C1QL3: variants seen among roughly 807,000 people sequenced by gnomAD.
C1QL3 encodes complement C1q like 3.
A neutral mutation model predicts 16.6 loss-of-function variants in C1QL3; 4 were observed. The observed-to-expected ratio is 0.24, with a 90% CI of 0.12 to 0.55. The LOEUF is 0.55. Ranked by LOEUF, C1QL3 falls within the 20% of genes least tolerant of loss-of-function variation. The pLI is 0.94. For missense variants in C1QL3, 269 were observed against 365.6 expected (o/e 0.74, Z 2.16); for synonymous variants, 189 against 160.2 (o/e 1.18, Z -1.36).
At chr10:16,514,788 G>A in intron 1 of C1QL3, 81 bp from the exon 2 acceptor site, 1 of 997,220 alleles carries the variant, frequency 1.0e-6, no homozygotes, top group South Asian at 1.6e-5. Context: ...AGCATCACAA[G>A]CTGACTTGCT....
Position 16,513,883 on chromosome 10 carries a change from G to A in C1QL3, c.*645C>T, listed in dbSNP as rs551628985. 1 of 155,426 alleles carries A rather than the reference G, an allele frequency of 6.4e-6. No homozygotes were observed. The highest frequency in any genetic ancestry group is 2.4e-5 in the African/African-American group (1 of 41,682). 9.6% of individuals were successfully genotyped at this position (155,426 alleles called of 1,614,324 possible). On this transcript the variant is annotated 3_prime_UTR_variant, in exon 2 of 2. Transcript: ENST00000298943. ...ATTTTTAAAGACTATCACCAGAAAA[G>A]AGAGAAAAGAAAATTCATATAAGAA...
In C1QL3 at chr10:16,520,227, C is replaced by G. The variant is rs1446709861; in HGVS notation, c.588+251G>C. On this transcript the variant is annotated intron_variant, in intron 1 of 1. Coordinates refer to ENST00000298943, the MANE Select transcript of C1QL3 (RefSeq NM_001010908.2). This position sits in a 1 kb window ranked among gnomAD's most constrained non-coding sequence, Gnocchi z 8.3. ...CTTCCCGCCCCTCGAGGGTCGCGCT[C>G]GCAGGGGCGCGCACCGATCGAGGGT... 1.3e-5 allele frequency among the ~76,000 whole-genome samples: 2 copies of G among 152,054 alleles called. No individual in the cohort carries two copies. Among genetic ancestry groups the G allele is most frequent in the Admixed American group, 6.5e-5 (1 of 15,282 alleles).
intron 1 of C1QL3, among the ~76,000 whole-genome samples, chr10:16,516,501 A>G (rs2133538059): frequency 6.6e-6 from 1 of 152,284 alleles, no homozygotes; most frequent in African/African-American, 2.4e-5. Context: ...TATATTAGTA[A>G]TACATTAGTT....
At position 16,521,171 on chromosome 10, in the gene C1QL3, T is replaced by C; in HGVS notation, c.-106A>G. Reference sequence around the variant, plus strand: ...TGCTTTTGGACAGAATTTTGAAGGTTGGGCGGGGACCTCTTCAGAGCCGAA... The same window carrying C: ...TGCTTTTGGACAGAATTTTGAAGGTCGGGCGGGGACCTCTTCAGAGCCGAA... On this transcript the variant is annotated 5_prime_UTR_variant, in exon 1 of 2. Transcript: ENST00000298943. 9.0e-7 allele frequency: 1 copy of C among 1,113,844 alleles called. No individual in the cohort carries two copies. The highest frequency in any genetic ancestry group is 1.4e-5 in the South Asian group (1 of 69,312). The allele number at this position is 1,113,844 out of a possible 1,614,324, so 69.0% of individuals were successfully genotyped here. A position where few individuals can be genotyped will look rare whatever the true frequency, so the allele number is the denominator to read the frequency against.
In C1QL3 at chr10:16,521,348, G is replaced by T; in HGVS notation, c.-283C>A. 1 of 332,530 alleles carries T rather than the reference G, an allele frequency of 3.0e-6. No individual in the cohort carries two copies. Among genetic ancestry groups the T allele is most frequent in the Admixed American group, 5.1e-5 (1 of 19,744 alleles). The allele number at this position is 332,530 out of a possible 1,614,324, so 20.6% of individuals were successfully genotyped here. ...TCCCGAGCCCGGGGTGGGGGCCGGG[G>T]GAGGGGTGCGCGGGGCGCCCTCGCC... On this transcript the variant is annotated 5_prime_UTR_variant, in exon 1 of 2. Coordinates refer to ENST00000298943, the MANE Select transcript of C1QL3 (RefSeq NM_001010908.2).
rs1163952043 is a variant in C1QL3 at position 16,521,225 on chromosome 10, T to A, written c.-160A>T. 2 of 615,914 alleles carry A rather than the reference T, an allele frequency of 3.2e-6. No individual in the cohort carries two copies. Among genetic ancestry groups the A allele is most frequent in the South Asian group, 2.1e-5 (1 of 48,586 alleles). 38.2% of individuals were successfully genotyped at this position (615,914 alleles called of 1,614,324 possible). A position where few individuals can be genotyped will look rare whatever the true frequency, so the allele number is the denominator to read the frequency against. Reference sequence around the variant, plus strand: ...AACCCCCTGCGAACCCCAACTCCCCTGGGCGTGCGTGCGCCGGCCGCTGCT... The same window carrying A: ...AACCCCCTGCGAACCCCAACTCCCCAGGGCGTGCGTGCGCCGGCCGCTGCT... On this transcript the variant is annotated 5_prime_UTR_variant, in exon 1 of 2. Transcript: ENST00000298943.
rs952299792 is a variant in C1QL3, at chr10:16,521,809, G to C, written c.-744C>G. ...AGCGAGCAGCGGCGAGCGCCTCACGGCCGGGAGCGGAGCGAGAGAGAGACT... is the reference window on the plus strand; with the variant it reads ...AGCGAGCAGCGGCGAGCGCCTCACGCCCGGGAGCGGAGCGAGAGAGAGACT... On this transcript the variant is annotated 5_prime_UTR_variant, in exon 1 of 2. Coordinates refer to ENST00000298943, the MANE Select transcript of C1QL3 (RefSeq NM_001010908.2). 2 of 152,710 alleles carry C rather than the reference G, an allele frequency of 1.3e-5. No homozygotes were observed. The highest frequency in any genetic ancestry group is 4.8e-5 in the African/African-American group (2 of 41,410). The allele number at this position is 152,710 out of a possible 1,614,324, so 9.5% of individuals were successfully genotyped here.
Position 16,514,414 on chromosome 10 carries a change from T to C in C1QL3, c.*114A>G, listed in dbSNP as rs1836916175. ...TCAGGTAGCATTTGATTTCCCCACA[T>C]ATACACAACTGAGGTGCCCTGCCAT... On this transcript the variant is annotated 3_prime_UTR_variant, in exon 2 of 2. Transcript: ENST00000298943. 3.8e-6 allele frequency: 3 copies of C among 784,142 alleles called. No individual in the cohort carries two copies. The highest frequency in any genetic ancestry group is 1.7e-5 in the South Asian group (1 of 58,822). The allele number at this position is 784,142 out of a possible 1,614,324, so 48.6% of individuals were successfully genotyped here.
At position 16,520,445 on chromosome 10, in the gene C1QL3, T is replaced by TCCCCCCCCCCCCC; in HGVS notation, c.588+32_588+33insGGGGGGGGGGGGG. ...CTCGCCCGCACCTTCCCGCGCTCCCTCCCCGCCCTCCCCGCCGCCCGCCCG... is the reference window on the plus strand; with the variant it reads ...CTCGCCCGCACCTTCCCGCGCTCCCTCCCCCCCCCCCCCCCCCGCCCTCCCCGCCGCCCGCCCG... On this transcript the variant is annotated intron_variant, in intron 1 of 1. Transcript: ENST00000298943. The surrounding 1 kb of genome is among the most constrained non-coding windows in gnomAD (Gnocchi z 8.3). 2 of 527,492 alleles carry TCCCCCCCCCCCCC rather than the reference T, an allele frequency of 3.8e-6. No homozygotes were observed. The highest frequency in any genetic ancestry group is 6.5e-6 in the Non-Finnish European group (2 of 309,178). 32.7% of individuals were successfully genotyped at this position (527,492 alleles called of 1,614,324 possible). A position where few individuals can be genotyped will look rare whatever the true frequency, so the allele number is the denominator to read the frequency against.
At chr10:16,517,617 A>T (rs1317866594) in intron 1 of C1QL3, among the ~76,000 whole-genome samples, 2 of 152,210 alleles carry the variant, frequency 1.3e-5, no homozygotes, top group Non-Finnish European at 2.9e-5. Context: ...ATGCACTGTC[A>T]TGGGCTTTCA....
intron 1 of C1QL3, among the ~76,000 whole-genome samples, chr10:16,516,737 G>T (rs1836957514): frequency 6.6e-6 from 1 of 152,184 alleles, no homozygotes; most frequent in African/African-American, 2.4e-5. Flanking sequence ...AAAACCGAGT[G>T]AACGTCACCA....
Position 16,520,445 on chromosome 10 carries a change from T to TG in C1QL3, c.588+32_588+33insC. The TG allele has an allele frequency of 3.8e-6, 2 of 527,490 alleles. No individual in the cohort carries two copies. Among genetic ancestry groups the TG allele is most frequent in the Non-Finnish European group, 3.2e-6 (1 of 309,180 alleles). 32.7% of individuals were successfully genotyped at this position (527,490 alleles called of 1,614,324 possible). A position where few individuals can be genotyped will look rare whatever the true frequency, so the allele number is the denominator to read the frequency against. On this transcript the variant is annotated intron_variant, in intron 1 of 1. Coordinates refer to ENST00000298943, the MANE Select transcript of C1QL3 (RefSeq NM_001010908.2). This position sits in a 1 kb window ranked among gnomAD's most constrained non-coding sequence, Gnocchi z 8.3. ...CTCGCCCGCACCTTCCCGCGCTCCC[T>TG]CCCCGCCCTCCCCGCCGCCCGCCCG...
intron 1 of C1QL3, among the ~76,000 whole-genome samples, chr10:16,519,998 CG>C (rs1488958968): frequency 1.3e-5 from 2 of 152,246 alleles, no homozygotes; most frequent in East Asian, 1.9e-4. Context: ...CTCATTCCTT[CG>C]GGGCCCTTGT....
chr10:16,520,832 G>A lies in C1QL3; in HGVS notation c.234C>T (p.Pro78=). 1.4e-6 allele frequency: 2 copies of A among 1,383,770 alleles called. No individual in the cohort carries two copies. Among genetic ancestry groups the A allele is most frequent in the East Asian group, 3.1e-5 (1 of 32,356 alleles). 85.7% of individuals were successfully genotyped at this position (1,383,770 alleles called of 1,614,324 possible). A position where few individuals can be genotyped will look rare whatever the true frequency, so the allele number is the denominator to read the frequency against. ...TGGGGCCGGGTGGCCCGGGCTCTCC[G>A]GGGGGCCCGCGCGGACCCGCCTTCC... is the stretch of plus-strand genomic sequence containing the variant. The part of the protein sequence containing the change: ...RPGKAGPRGP[P]GEPGPPGPMG... The change falls in exon 1 of 2, where the codon CCC becomes CCT. Residue 78 remains proline (P), a synonymous_variant. Coordinates refer to ENST00000298943, the MANE Select transcript of C1QL3 (RefSeq NM_001010908.2). This position sits in a 1 kb window ranked among gnomAD's most constrained non-coding sequence, Gnocchi z 8.3.
In C1QL3 at chr10:16,520,246, C is replaced by A. The variant is rs1420359810; in HGVS notation, c.588+232G>T. Among the ~76,000 whole-genome samples the A allele has an allele frequency of 6.6e-6, 1 of 152,082 alleles. No homozygotes were observed. On this transcript the variant is annotated intron_variant, in intron 1 of 1. Transcript: ENST00000298943. This position sits in a 1 kb window ranked among gnomAD's most constrained non-coding sequence, Gnocchi z 8.3. ...CGCGCTCGCAGGGGCGCGCACCGAT[C>A]GAGGGTCCCAGACTCCGGAACTGCC...
Position 16,521,134 on chromosome 10 carries a change from G to A in C1QL3, c.-69C>T, listed in dbSNP as rs1837035613. The A allele has an allele frequency of 6.5e-6, 9 of 1,394,454 alleles. No individual in the cohort carries two copies. The highest frequency in any genetic ancestry group is 8.8e-6 in the Non-Finnish European group (9 of 1,019,996). The allele number at this position is 1,394,454 out of a possible 1,614,324, so 86.4% of individuals were successfully genotyped here. A position where few individuals can be genotyped will look rare whatever the true frequency, so the allele number is the denominator to read the frequency against. ...CCCACCAGCCGGCTCAGCGCGGGGC[G>A]ATCCTCTTGTCTGCTTTTGGACAGA... On this transcript the variant is annotated 5_prime_UTR_variant, in exon 1 of 2. Coordinates refer to ENST00000298943, the MANE Select transcript of C1QL3 (RefSeq NM_001010908.2).
At position 16,520,741 on chromosome 10, in the gene C1QL3, C is replaced by A; in HGVS notation, c.325G>T (p.Gly109Cys). The change falls in exon 1 of 2, where the codon GGC becomes TGC. Residue 109 changes from glycine (G) to cysteine (C), a missense_variant. Gly to Cys is a radical substitution (Grantham distance 159, BLOSUM62 -3). Around this residue, in one of 2 missense-constraint regions of C1QL3, gnomAD observed 246 missense variants for 297.2 expected, o/e 0.83. Coordinates refer to ENST00000298943, the MANE Select transcript of C1QL3 (RefSeq NM_001010908.2). The surrounding 1 kb of genome is among the most constrained non-coding windows in gnomAD (Gnocchi z 8.3). Reference sequence around the variant, plus strand: ...CTGATGGCCCCGGCCGCGTTCAGGCCGGGCGCCCCGGGCGGGCCCGGCAGG... The same window carrying A: ...CTGATGGCCCCGGCCGCGTTCAGGCAGGGCGCCCCGGGCGGGCCCGGCAGG... ...QGLPGPPGAPGLNAAGAISAA... is the reference protein window; with the variant it reads ...QGLPGPPGAPCLNAAGAISAA... 2.1e-6 allele frequency: 3 copies of A among 1,426,494 alleles called. No homozygotes were observed. The South Asian group carries it at 4.9e-5, about 24-fold the overall frequency. 88.4% of individuals were successfully genotyped at this position (1,426,494 alleles called of 1,614,324 possible).
Position 16,514,590 on chromosome 10 carries a change from C to A in C1QL3, c.706G>T (p.Ala236Ser). 2 of 1,613,888 alleles carry A rather than the reference C, an allele frequency of 1.2e-6. No individual in the cohort carries two copies. The highest frequency in any genetic ancestry group is 1.7e-6 in the Non-Finnish European group (2 of 1,179,798). Residue 236 changes from alanine (A) to serine (S), a missense_variant, in exon 2 of 2, where the codon GCC becomes TCC. Coordinates refer to ENST00000298943, the MANE Select transcript of C1QL3 (RefSeq NM_001010908.2). ...EVYIKLDGGK[A>S]HGGNNNKYST... ...TATTTGTTGTTGTTTCCTCCATGGG[C>A]TTTCCCGCCATCTAATTTGATATAG...
At chr10:16,515,338 A>T (rs1163955635) in intron 1 of C1QL3, among the ~76,000 whole-genome samples, 1 of 151,838 alleles carries the variant, frequency 6.6e-6, no homozygotes, top group Non-Finnish European at 1.5e-5. Context: ...ATCTTTGATT[A>T]TATCACCTGA....
Sources: gnomAD v4.1 joint callset for allele counts (sites outside exome capture counted in the v4.1 genomes callset) on GRCh38, gnomAD v4.1.1 for gene constraint, gnomAD v4.1.1 regional missense constraint, Gnocchi (gnomAD v3.1) non-coding constraint, MANE v1.5 for transcripts, NCBI Gene and HGNC (gene_info 2026-07-23, HGNC 2026-07-21) for gene names.